The following PAXIP1 variants were observed in gnomAD, a reference collection of about 807,000 sequenced individuals.
PAXIP1 encodes the protein PAX interacting protein 1.
A neutral mutation model predicts 140.6 loss-of-function variants in PAXIP1; 19 were observed. The observed-to-expected ratio is 0.14, with a 90% CI of 0.09 to 0.20. PAXIP1 has a LOEUF of 0.20. Among genes scored for constraint, PAXIP1 ranks in the 10% least tolerant of loss-of-function variants. The pLI is 1.00. For synonymous variants in PAXIP1, 442 were observed against 444.6 expected (o/e 0.99, Z 0.07); for missense variants, 920 against 1,208.6 (o/e 0.76, Z 3.54).
intron 2 of PAXIP1, among the ~76,000 whole-genome samples, chr7:154,997,535 G>C (rs1177514573): frequency 6.6e-6 from 1 of 152,192 alleles, no homozygotes; most frequent in Non-Finnish European, 1.5e-5. Context: ...TAGTGGTATA[G>C]AACTATTTTA....
At chr7:154,999,498 C>T (rs1179552976) in intron 1 of PAXIP1, among the ~76,000 whole-genome samples, 1 of 152,142 alleles carries the variant, frequency 6.6e-6, no homozygotes, top group East Asian at 1.9e-4. Flanking sequence ...TGTTAAGAAA[C>T]AAGTGCAATA....
chr7:154,948,031 A>T (rs775125076), intron 16 of PAXIP1, 28 bp from the exon 17 acceptor site: 2 of 1,503,304 alleles, frequency 1.3e-6, no homozygotes, highest in Non-Finnish European at 1.9e-6. Flanking sequence ...ACATACTCTG[A>T]AAAGTGTGGA....
At chr7:155,000,027 G>C (rs1043524197) in intron 1 of PAXIP1, 1 of 151,990 alleles carries the variant, frequency 6.6e-6, no homozygotes, top group African/African-American at 2.4e-5. Context: ...TAAGCTGACA[G>C]TGCACACCAA....
intron 17 of PAXIP1, 136 bp downstream of exon 17, chr7:154,947,767 C>T: frequency 1.4e-6 from 1 of 698,090 alleles, no homozygotes; most frequent in Non-Finnish European, 2.6e-6. Context: ...AAGAAGGAAG[C>T]CAAGAGGTAA....
At chr7:154,992,647 T>A (rs370310218) in intron 3 of PAXIP1, among the ~76,000 whole-genome samples, 1 of 151,338 alleles carries the variant, frequency 6.6e-6, no homozygotes, top group Non-Finnish European at 1.5e-5. Flanking sequence ...AGAGAATAAA[T>A]GACCTGGAAC....
intron 14 of PAXIP1, among the ~76,000 whole-genome samples, chr7:154,955,904 T>G (rs922311517): frequency 6.6e-6 from 1 of 152,200 alleles, no homozygotes; most frequent in African/African-American, 2.4e-5. Context: ...ATCAATCCCC[T>G]CCTGATTAAT....
At chr7:154,993,652 A>G (rs306281) in intron 3 of PAXIP1, 74 bp downstream of exon 3, 666,499 of 1,116,172 alleles carry the variant, frequency 0.6, 199,859 homozygotes, top group Admixed American at 0.71. Context: ...TTTTCACTCC[A>G]TTAACTATCA....
At chr7:154,995,208 G>C (rs2150786319) in intron 2 of PAXIP1, among the ~76,000 whole-genome samples, 1 of 152,344 alleles carries the variant, frequency 6.6e-6, no homozygotes, top group East Asian at 1.9e-4. Flanking sequence ...GTGAAGGTCT[G>C]ATTCTTCCTG....
chr7:154,977,446 G>A (rs567368782), intron 5 of PAXIP1, among the ~76,000 whole-genome samples: 8 of 152,174 alleles, frequency 5.3e-5, no homozygotes, highest in Non-Finnish European at 8.8e-5. Context: ...TAGGGATGCG[G>A]GGCAGCAGCA....
chr7:154,991,182 G>T, intron 3 of PAXIP1, 113 bp from the exon 4 acceptor site: 1 of 564,134 alleles, frequency 1.8e-6, no homozygotes, highest in South Asian at 2.8e-5. Flanking sequence ...GAAAGAGACA[G>T]ACTTAAGATA....
At chr7:154,961,229 G>A (rs779852425) in intron 11 of PAXIP1, among the ~76,000 whole-genome samples, 152 bp from the exon 12 acceptor site, 1 of 152,168 alleles carries the variant, frequency 6.6e-6, no homozygotes, top group Non-Finnish European at 1.5e-5. Context: ...ACCCTGAATG[G>A]TAATGAAATA....
intron 3 of PAXIP1, among the ~76,000 whole-genome samples, chr7:154,991,513 A>G (rs1489973765): frequency 6.6e-6 from 1 of 152,244 alleles, no homozygotes; most frequent in Non-Finnish European, 1.5e-5. Context: ...AGAATCCTTC[A>G]TAAGAGCTTG....
rs756186230 is a variant in PAXIP1 at position 154,946,654 on chromosome 7, C to T, written c.3057+25G>A. ...ATGTGATACAGGGCAATGACGGACT[C>T]GCTGGCGGACTCCACTCTACCCACC... On this transcript the variant is annotated intron_variant, in intron 18 of 20. Transcript: ENST00000404141. The surrounding 1 kb of genome is among the most constrained non-coding windows in gnomAD (Gnocchi z 4.9). The T allele has an allele frequency of 1.2e-6, 2 of 1,613,654 alleles. No homozygotes were observed. Among genetic ancestry groups the T allele is most frequent in the Admixed American group, 1.7e-5 (1 of 60,004 alleles).
chr7:155,003,311 G>T (rs1811026821), upstream of PAXIP1: 12 of 151,924 alleles, frequency 7.9e-5, no homozygotes, highest in Admixed American at 6.6e-4. Context: ...CAACGAGGGG[G>T]CCCCGAGGAC....
intron 4 of PAXIP1, among the ~76,000 whole-genome samples, chr7:154,987,050 T>G (rs535138530): frequency 2.0e-5 from 3 of 152,336 alleles, no homozygotes; most frequent in Admixed American, 1.3e-4. Flanking sequence ...ACTATTCCAC[T>G]GCAAAGAATC....
At chr7:154,992,933 A>G (rs765820142) in intron 3 of PAXIP1, among the ~76,000 whole-genome samples, 15 of 152,204 alleles carry the variant, frequency 9.9e-5, no homozygotes, top group Non-Finnish European at 1.5e-4. Context: ...CTTTCAAGAG[A>G]ACTGCCTGGC....
chr7:154,963,795 C>CA lies in PAXIP1; in HGVS notation c.1894-30dup. On this transcript the variant is annotated intron_variant, in intron 8 of 20. Coordinates refer to ENST00000404141, the MANE Select transcript of PAXIP1 (RefSeq NM_007349.4). This position sits in a 1 kb window ranked among gnomAD's most constrained non-coding sequence, Gnocchi z 4.1. ...CACACAAAGACCCGACCAATGCAGT[C>CA]ATCAATCACTCAGAATAGAGGAGAA... 6.8e-7 allele frequency: 1 copy of CA among 1,473,742 alleles called. No homozygotes were observed. Among genetic ancestry groups the CA allele is most frequent in the Non-Finnish European group, 9.5e-7 (1 of 1,055,260 alleles). The allele number at this position is 1,473,742 out of a possible 1,614,324, so 91.3% of individuals were successfully genotyped here.
At chr7:154,981,297 G>A (rs1197571018) in intron 5 of PAXIP1, among the ~76,000 whole-genome samples, 21 of 152,102 alleles carry the variant, frequency 1.4e-4, no homozygotes, top group Admixed American at 1.3e-3. Context: ...GCGTATTAGT[G>A]TTATTTTTAT....
intron 1 of PAXIP1, among the ~76,000 whole-genome samples, chr7:154,999,552 C>A (rs1031900666): frequency 6.6e-6 from 1 of 152,064 alleles, no homozygotes; most frequent in Non-Finnish European, 1.5e-5. Flanking sequence ...TCCTGATGGG[C>A]AGAAAGGAGG....
Sources: allele counts gnomAD v4.1 joint callset (sites outside exome capture counted in the v4.1 genomes callset), GRCh38; gene constraint gnomAD v4.1.1; non-coding constraint Gnocchi (gnomAD v3.1); transcripts MANE v1.5; gene names NCBI Gene and HGNC (gene_info 2026-07-23, HGNC 2026-07-21).